Variants in MYRIP observed in about 807,000 individuals in gnomAD.
MYRIP encodes the protein myosin VIIA and Rab interacting protein.
Under a neutral mutation model 98.0 loss-of-function variants are expected in MYRIP, and 49 were observed. The observed-to-expected ratio is 0.50, with a 90% confidence interval of 0.40 to 0.63. MYRIP has a LOEUF of 0.63. MYRIP is among the 30% of genes least tolerant of loss of function. The pLI is 0.00. For synonymous variants in MYRIP, 404 were observed against 409.5 expected (o/e 0.99, Z 0.16); for missense variants, 1,004 against 1,058.2 (o/e 0.95, Z 0.71).
chr3:40,177,043 C>G (rs192429980), intron 8 of MYRIP, among the ~76,000 whole-genome samples: 1 of 151,292 alleles, frequency 6.6e-6, no homozygotes, highest in South Asian at 2.1e-4. Context: ...CCACTGCACT[C>G]TAGCCTGGGC....
intron 1 of MYRIP, among the ~76,000 whole-genome samples, chr3:39,865,124 C>T (rs928692347): frequency 1.3e-5 from 2 of 152,136 alleles, no homozygotes; most frequent in Non-Finnish European, 2.9e-5. Context: ...AGGTGGACCC[C>T]TTCCTTACAC....
intron 2 of MYRIP, among the ~76,000 whole-genome samples, chr3:39,931,084 T>A (rs1944527413): frequency 1.3e-5 from 2 of 152,098 alleles, no homozygotes; most frequent in Non-Finnish European, 2.9e-5. Context: ...ACAGCTGGAA[T>A]TTTGATGGGG....
At chr3:40,018,936 C>T (rs555798871) in intron 2 of MYRIP, among the ~76,000 whole-genome samples, 1 of 152,270 alleles carries the variant, frequency 6.6e-6, no homozygotes, top group East Asian at 1.9e-4. Context: ...CAATGAGCTC[C>T]AACATTCTAT....
intron 13 of MYRIP, among the ~76,000 whole-genome samples, chr3:40,245,618 C>T (rs1422336537): frequency 7.3e-6 from 1 of 136,336 alleles, no homozygotes; most frequent in Non-Finnish European, 1.5e-5. Context: ...CACTGCACTC[C>T]AGCCTGGGGC....
At chr3:39,918,582 C>T (rs1254575341) in intron 2 of MYRIP, among the ~76,000 whole-genome samples, 2 of 152,170 alleles carry the variant, frequency 1.3e-5, no homozygotes, top group Admixed American at 6.5e-5. Flanking sequence ...ACTTCCCCTT[C>T]GCCCTCTGAA....
intron 2 of MYRIP, among the ~76,000 whole-genome samples, chr3:40,021,334 C>T (rs1352466708): frequency 6.6e-6 from 1 of 152,186 alleles, no homozygotes; most frequent in African/African-American, 2.4e-5. Flanking sequence ...ACCAGTGAGA[C>T]TTGGCATCTC....
chr3:39,935,570 A>G (rs1944637752), intron 2 of MYRIP, among the ~76,000 whole-genome samples: 1 of 152,172 alleles, frequency 6.6e-6, no homozygotes, highest in South Asian at 2.1e-4. Context: ...ATTTCTTCTC[A>G]TCATTACTTT....
chr3:40,018,397 A>G (rs554558535), intron 2 of MYRIP, among the ~76,000 whole-genome samples: 1 of 152,248 alleles, frequency 6.6e-6, no homozygotes, highest in Admixed American at 6.5e-5. Flanking sequence ...CCCGCTAAAC[A>G]TGTTCACTTT....
At chr3:40,076,489 T>A (rs1948345671) in intron 3 of MYRIP, among the ~76,000 whole-genome samples, 2 of 152,194 alleles carry the variant, frequency 1.3e-5, no homozygotes, top group Admixed American at 1.3e-4. Flanking sequence ...GCACAGGCAC[T>A]AATATTTACT....
intron 2 of MYRIP, among the ~76,000 whole-genome samples, chr3:39,923,241 T>C (rs1390762976): frequency 1.3e-5 from 2 of 151,916 alleles, no homozygotes; most frequent in African/African-American, 2.4e-5. Flanking sequence ...TTATTAGAGT[T>C]ACAGAAGGAA....
intron 6 of MYRIP, 100 bp from the exon 7 acceptor site, chr3:40,167,059 G>T: frequency 7.2e-7 from 1 of 1,379,876 alleles, no homozygotes; most frequent in South Asian, 1.2e-5. Flanking sequence ...CTAGAGCAAG[G>T]CCCTCCCTCT....
chr3:39,875,612 C>A (rs1417582300), intron 1 of MYRIP, among the ~76,000 whole-genome samples: 4 of 151,452 alleles, frequency 2.6e-5, no homozygotes, highest in African/African-American at 9.8e-5. Flanking sequence ...AGTAGTCATT[C>A]AGGAGCAGGT....
chr3:40,183,796 A>AT (rs531387051), intron 9 of MYRIP, among the ~76,000 whole-genome samples: 86 of 152,378 alleles, frequency 5.6e-4, no homozygotes, highest in Middle Eastern at 3.4e-3. Flanking sequence ...AACAAAAAAG[A>AT]TTAACAGCAG....
At chr3:39,985,758 T>C (rs1224170855) in intron 2 of MYRIP, among the ~76,000 whole-genome samples, 11 of 151,962 alleles carry the variant, frequency 7.2e-5, no homozygotes, top group Non-Finnish European at 1.0e-4. Flanking sequence ...TAGCCATATG[T>C]AGAAAGCTGA....
chr3:39,958,447 A>C (rs1044327663), intron 2 of MYRIP, among the ~76,000 whole-genome samples: 22 of 152,210 alleles, frequency 1.4e-4, no homozygotes, highest in African/African-American at 5.1e-4. Flanking sequence ...CCTATTTAAT[A>C]AATGGTGCTG....
intron 2 of MYRIP, among the ~76,000 whole-genome samples, chr3:39,952,935 A>G (rs1357357523): frequency 1.3e-5 from 2 of 152,118 alleles, no homozygotes; most frequent in African/African-American, 4.8e-5. Context: ...AGGGTTCACT[A>G]CAGCTATCTC....
At chr3:39,854,263 C>A (rs947988106) in intron 1 of MYRIP, among the ~76,000 whole-genome samples, 3 of 152,056 alleles carry the variant, frequency 2.0e-5, no homozygotes, top group African/African-American at 4.8e-5. Context: ...GATTTCTTTT[C>A]TTCATTAGGA....
At chr3:40,211,316 G>A (rs1384957562) in intron 11 of MYRIP, among the ~76,000 whole-genome samples, 1 of 152,198 alleles carries the variant, frequency 6.6e-6, no homozygotes, top group Non-Finnish European at 1.5e-5. Flanking sequence ...GCACATGCAT[G>A]AGTGAAGGAG....
In MYRIP at chr3:40,036,311, A is replaced by AC. The variant is rs1947382144; in HGVS notation, c.111-7739_111-7738insC. Among the ~76,000 whole-genome samples the AC allele has an allele frequency of 2.7e-5, 4 of 148,064 alleles. No homozygotes were observed. The East Asian group carries it at 8.0e-4, about 30-fold the overall frequency. On this transcript the variant is annotated intron_variant, in intron 2 of 16. Transcript: ENST00000302541. ...TTGCAACAACTGATACCAAAAAAAAAAAAAAAAAAAAAACTTTATTCAAAA... is the reference window on the plus strand; with the variant it reads ...TTGCAACAACTGATACCAAAAAAAAACAAAAAAAAAAAAACTTTATTCAAAA...
Sources: allele counts gnomAD v4.1 joint callset (sites outside exome capture counted in the v4.1 genomes callset), GRCh38; gene constraint gnomAD v4.1.1; transcripts MANE v1.5; gene names NCBI Gene and HGNC (gene_info 2026-07-23, HGNC 2026-07-21).